Variants in SLCO5A1 observed in about 807,000 individuals in gnomAD.
The protein encoded by SLCO5A1 is solute carrier organic anion transporter family member 5A1, also known as organic anion transporter polypeptide-related protein 4.
A neutral mutation model predicts 65.1 loss-of-function variants in SLCO5A1; 39 were observed. The observed-to-expected ratio is 0.60, with a 90% CI of 0.46 to 0.78. The LOEUF is 0.78. SLCO5A1 is among the 30% of genes least tolerant of loss of function. The probability of loss-of-function intolerance (pLI) is 0.00; values close to 1 mark genes in which losing one functional copy is unlikely to be tolerated. For missense variants in SLCO5A1, 1,029 were observed against 1,069.4 expected (o/e 0.96, Z 0.53); for synonymous variants, 438 against 415.7 (o/e 1.05, Z -0.65).
chr8:69,739,975 G>A (rs1471874708), intron 4 of SLCO5A1, among the ~76,000 whole-genome samples: 1 of 152,146 alleles, frequency 6.6e-6, no homozygotes, highest in Admixed American at 6.6e-5. Context: ...TTTAACATAA[G>A]AAAGTAACAT....
intron 2 of SLCO5A1, among the ~76,000 whole-genome samples, chr8:69,831,457 T>C (rs181229113): frequency 2.0e-4 from 31 of 152,182 alleles, no homozygotes; most frequent in African/African-American, 7.5e-4. Context: ...GAATATAAAC[T>C]TGACAAATTG....
At position 69,755,556 on chromosome 8, in the gene SLCO5A1, G is replaced by A. The variant is rs1430233233; in HGVS notation, c.1126C>T (p.His376Tyr). The A allele has an allele frequency of 3.1e-6, 5 of 1,613,716 alleles. No individual in the cohort carries two copies. In the Admixed American group the frequency reaches 6.7e-5, roughly 22 times the overall value. The change falls in exon 4 of 10, where the codon CAC (histidine) becomes TAC (tyrosine). Residue 376 changes from histidine to tyrosine, a missense_variant. Around this residue, in one of 3 missense-constraint regions of SLCO5A1, gnomAD observed 647 missense variants for 647.5 expected, o/e 1.00. Transcript: ENST00000260126. ...FTFPKKLPPR[H>Y]KKKKKKKFSV... ...AATTTTTTCTTTTTCTTTTTCTTGTGTCGAGGTGGAAGCTTTTTTGGGAAA... is the reference window on the plus strand; with the variant it reads ...AATTTTTTCTTTTTCTTTTTCTTGTATCGAGGTGGAAGCTTTTTTGGGAAA...
At position 69,818,695 on chromosome 8, in the gene SLCO5A1, G is replaced by A. The variant is rs141904496; in HGVS notation, c.907+13072C>T. On this transcript the variant is annotated intron_variant, in intron 2 of 9. Transcript: ENST00000260126. ...TTGCAGTTAGACCCAAAATGGGTTTGTTTCCCAGCCTGGTAGATGAATTTG... is the reference window on the plus strand; with the variant it reads ...TTGCAGTTAGACCCAAAATGGGTTTATTTCCCAGCCTGGTAGATGAATTTG... Among the ~76,000 whole-genome samples the A allele has an allele frequency of 1.5e-3, 234 of 152,304 alleles. 2 individuals carry two copies. Among genetic ancestry groups the A allele is most frequent in the South Asian group, 0.015 (72 of 4,820 alleles).
Position 69,738,034 on chromosome 8 carries a change from C to T in SLCO5A1, c.1423+6G>A. On this transcript the variant is annotated splice_donor_region_variant and intron_variant, in intron 5 of 9. Coordinates refer to ENST00000260126, the MANE Select transcript of SLCO5A1 (RefSeq NM_030958.3). ...TTTTCAAGCAGCCCTAGCGGCAGTG[C>T]CTTACCAGTGTAGATGCTGGCATTG... is the stretch of plus-strand genomic sequence containing the variant. The T allele has an allele frequency of 6.2e-7, 1 of 1,612,782 alleles. No homozygotes were observed. The highest frequency in any genetic ancestry group is 8.5e-7 in the Non-Finnish European group (1 of 1,179,280).
At chr8:69,798,373 T>A (rs919472449) in intron 2 of SLCO5A1, among the ~76,000 whole-genome samples, 2 of 152,188 alleles carry the variant, frequency 1.3e-5, no homozygotes, top group African/African-American at 4.8e-5. Context: ...TGGCTCATGG[T>A]TCTACAGCCT....
intron 2 of SLCO5A1, among the ~76,000 whole-genome samples, chr8:69,821,002 C>G (rs373456937): frequency 1.8e-4 from 28 of 152,116 alleles, no homozygotes; most frequent in African/African-American, 6.3e-4. Context: ...ATTTTTCTGC[C>G]CTTTTCTGGT....
intron 2 of SLCO5A1, among the ~76,000 whole-genome samples, chr8:69,771,604 T>C (rs972186082): frequency 3.3e-5 from 5 of 152,220 alleles, no homozygotes; most frequent in African/African-American, 9.6e-5. Flanking sequence ...TCTTATGTGG[T>C]GCATATTTTG....
At chr8:69,714,904 C>T (rs1815440707) in intron 5 of SLCO5A1, 1 of 152,138 alleles carries the variant, frequency 6.6e-6, no homozygotes, top group African/African-American at 2.4e-5. Context: ...GATTCAAGGT[C>T]TGGGGATCAC....
intron 5 of SLCO5A1, among the ~76,000 whole-genome samples, chr8:69,711,899 C>T (rs936383605): frequency 1.2e-5 from 1 of 83,626 alleles, no homozygotes; most frequent in Non-Finnish European, 2.6e-5. Flanking sequence ...TCATTATCTG[C>T]CTAATATTAT....
intron 5 of SLCO5A1, among the ~76,000 whole-genome samples, chr8:69,710,946 G>T (rs1239848499): frequency 6.6e-6 from 1 of 152,088 alleles, no homozygotes; most frequent in African/African-American, 2.4e-5. Flanking sequence ...AGTTTGCTTT[G>T]GGGAATTATA....
chr8:69,687,031 C>T (rs561540562), intron 6 of SLCO5A1, among the ~76,000 whole-genome samples: 4 of 130,436 alleles, frequency 3.1e-5, no homozygotes, highest in African/African-American at 9.0e-5. Flanking sequence ...ACATAACACG[C>T]GCTAAGATAT....
chr8:69,804,658 T>C (rs903600279), intron 2 of SLCO5A1, among the ~76,000 whole-genome samples: 1 of 152,176 alleles, frequency 6.6e-6, no homozygotes, highest in Non-Finnish European at 1.5e-5. Flanking sequence ...CTGATGCTCA[T>C]ATTAGTATTT....
chr8:69,790,315 G>C (rs1008164518), intron 2 of SLCO5A1, among the ~76,000 whole-genome samples: 5 of 151,166 alleles, frequency 3.3e-5, no homozygotes, highest in African/African-American at 1.2e-4. Flanking sequence ...CTGTACCAAA[G>C]CATCTCACGT....
chr8:69,732,941 T>C (rs577468036), intron 5 of SLCO5A1, among the ~76,000 whole-genome samples: 18 of 152,252 alleles, frequency 1.2e-4, no homozygotes, highest in African/African-American at 4.3e-4. Context: ...TACAAGACTC[T>C]AGCATCCAGT....
chr8:69,781,793 G>A (rs1315894211), intron 2 of SLCO5A1, among the ~76,000 whole-genome samples: 1 of 152,032 alleles, frequency 6.6e-6, no homozygotes, highest in Non-Finnish European at 1.5e-5. Context: ...AAGTAGCTGG[G>A]ATTACAGGCA....
chr8:69,817,109 C>T (rs977439742), intron 2 of SLCO5A1, among the ~76,000 whole-genome samples: 3 of 152,116 alleles, frequency 2.0e-5, no homozygotes, highest in African/African-American at 4.8e-5. Context: ...AGAACTTTTG[C>T]TAAAGTATTA....
chr8:69,783,338 C>T (rs1189417270), intron 2 of SLCO5A1, among the ~76,000 whole-genome samples: 2 of 151,940 alleles, frequency 1.3e-5, no homozygotes, highest in African/African-American at 2.4e-5. Context: ...TTATTTGTAA[C>T]TCAAAGGATA....
chr8:69,676,220 G>A (rs533404722), intron 9 of SLCO5A1, among the ~76,000 whole-genome samples: 2 of 152,136 alleles, frequency 1.3e-5, no homozygotes, highest in Non-Finnish European at 2.9e-5. Context: ...AAGAAGTGAG[G>A]CATTGAAAAC....
rs1586787839 is a variant in SLCO5A1 at position 69,776,648 on chromosome 8, C to T, written c.908-14773G>A. Among the ~76,000 whole-genome samples the T allele has an allele frequency of 4.6e-5, 7 of 152,150 alleles. 2 individuals are homozygous for T. The highest frequency in any genetic ancestry group is 4.6e-4 in the Admixed American group (7 of 15,286). On this transcript the variant is annotated intron_variant, in intron 2 of 9. Transcript: ENST00000260126. ...CAGGCTGCAGTGAGCCGTGATCATG[C>T]CACTGCACTCCAGCCTGGACGACAG...
Sources: allele counts gnomAD v4.1 joint callset (sites outside exome capture counted in the v4.1 genomes callset), GRCh38; gene constraint gnomAD v4.1.1; regional missense constraint gnomAD v4.1.1; transcripts MANE v1.5; gene names NCBI Gene and HGNC (gene_info 2026-07-23, HGNC 2026-07-21).